STAM2: variants seen among roughly 807,000 people sequenced by gnomAD.
The protein encoded by STAM2 is signal transducing adapter molecule 2.
STAM2 carries 51 observed loss-of-function variants against 65.6 expected under a neutral mutation model. That is an observed-to-expected ratio of 0.78 (90% CI 0.62 to 0.98). STAM2 has a LOEUF of 0.98. STAM2 is among the 50% of genes least tolerant of loss of function. The probability of loss-of-function intolerance (pLI) is 0.00; values close to 1 mark genes in which losing one functional copy is unlikely to be tolerated. For missense variants in STAM2, 584 were observed against 617.8 expected, an observed-to-expected ratio of 0.95 and a Z score of 0.58; for synonymous variants, 198 against 208.4, an observed-to-expected ratio of 0.95 and a Z score of 0.43.
chr2:152,120,810 C>T lies in STAM2; in HGVS notation c.1350-8G>A, dbSNP rs746762082. 4.4e-6 allele frequency: 7 copies of T among 1,609,016 alleles called. No homozygotes were observed. Among genetic ancestry groups the T allele is most frequent in the Middle Eastern group, 1.7e-4 (1 of 6,056 alleles). ...ACAGTGTCTTGTCCAGTGCTACAAA[C>T]AAAATTTTAAAAAGAAAACCATATT... On this transcript the variant is annotated splice_polypyrimidine_tract_variant and splice_region_variant and intron_variant, in intron 13 of 13. Coordinates refer to ENST00000263904, the MANE Select transcript of STAM2 (RefSeq NM_005843.6).
At chr2:152,174,005 A>C (rs1250507447) in intron 1 of STAM2, among the ~76,000 whole-genome samples, 1 of 152,140 alleles carries the variant, frequency 6.6e-6, no homozygotes, top group Non-Finnish European at 1.5e-5. Context: ...TGTTTTTTTA[A>C]TCTCAACAGC....
At chr2:152,142,716 A>C (rs1306129866) in intron 7 of STAM2, among the ~76,000 whole-genome samples, 1 of 152,204 alleles carries the variant, frequency 6.6e-6, no homozygotes, top group Non-Finnish European at 1.5e-5. Context: ...GTTGAGAAAC[A>C]TCTGTATTTC....
chr2:152,121,979 TG>T (rs1438968813), intron 13 of STAM2, among the ~76,000 whole-genome samples: 2 of 149,250 alleles, frequency 1.3e-5, no homozygotes, highest in Non-Finnish European at 3.0e-5. Flanking sequence ...ACCCGGGAGG[TG>T]GGGCTTGCAG....
rs1452695675 is a variant in STAM2, at chr2:152,117,016, G to C, written c.*3558C>G. On this transcript the variant is annotated 3_prime_UTR_variant, in exon 14 of 14. Coordinates refer to ENST00000263904, the MANE Select transcript of STAM2 (RefSeq NM_005843.6). ...ACAGATAAGGGCGGGGGTGAGGGGT[G>C]GCTACTGTTAAGTCACATTGTGACA... 1.3e-5 allele frequency: 2 copies of C among 152,070 alleles called. No homozygotes were observed. Among genetic ancestry groups the C allele is most frequent in the Non-Finnish European group, 2.9e-5 (2 of 68,060 alleles). The allele number at this position is 152,070 out of a possible 1,614,324, so 9.4% of individuals were successfully genotyped here.
chr2:152,165,510 G>A lies in STAM2; in HGVS notation c.40+10093C>T, dbSNP rs568999195. ...GAATCAAAAGCAAACAGGCCAGGCA[G>A]ATGATTACATTACCTCTGCAGACTG... On this transcript the variant is annotated intron_variant, in intron 1 of 13. Coordinates refer to ENST00000263904, the MANE Select transcript of STAM2 (RefSeq NM_005843.6). Among the ~76,000 whole-genome samples the A allele has an allele frequency of 2.0e-5, 3 of 152,224 alleles. No homozygotes were observed. The South Asian group carries it at 6.2e-4, about 32-fold the overall frequency.
At chr2:152,145,512 A>G (rs1263912327) in intron 5 of STAM2, among the ~76,000 whole-genome samples, 2 of 152,274 alleles carry the variant, frequency 1.3e-5, no homozygotes, top group African/African-American at 4.8e-5. Flanking sequence ...AGAACTTGGC[A>G]TACAGAAAGT....
intron 1 of STAM2, among the ~76,000 whole-genome samples, chr2:152,161,621 A>G (rs1360460851): frequency 2.0e-5 from 3 of 152,106 alleles, no homozygotes; most frequent in African/African-American, 7.2e-5. Flanking sequence ...GACTGTAAAT[A>G]ATTCTACTCC....
rs754592603 is a variant in STAM2, at chr2:152,157,734, C to A, written c.41-7505G>T. 2.0e-5 allele frequency among the ~76,000 whole-genome samples: 3 copies of A among 152,246 alleles called. No homozygotes were observed. The South Asian group carries it at 6.2e-4, about 31-fold the overall frequency. ...GTCCAAACAAAGCAAGAGAACACTTCATGCATTTAGTTGAAAATCCAAAAA... is the reference window on the plus strand; with the variant it reads ...GTCCAAACAAAGCAAGAGAACACTTAATGCATTTAGTTGAAAATCCAAAAA... On this transcript the variant is annotated intron_variant, in intron 1 of 13. Coordinates refer to ENST00000263904, the MANE Select transcript of STAM2 (RefSeq NM_005843.6).
chr2:152,127,334 A>G (rs1435293547), intron 11 of STAM2, among the ~76,000 whole-genome samples: 1 of 152,156 alleles, frequency 6.6e-6, no homozygotes, highest in Non-Finnish European at 1.5e-5. Context: ...ACACCTCATA[A>G]AATGCAATCA....
Position 152,123,882 on chromosome 2 carries a change from T to G in STAM2, c.1233A>C (p.Gln411His). 6.2e-7 allele frequency: 1 copy of G among 1,614,130 alleles called. No homozygotes were observed. The highest frequency in any genetic ancestry group is 8.5e-7 in the Non-Finnish European group (1 of 1,179,982). ...GGCTATAGCTTTGGGCAACAGTTAC[T>G]TGGTGAATGCTCTGACCCATATAGT... ...GGNYMGQSIH[Q>H]VTVAQSYSLG... is the part of the protein sequence containing the mutation. Residue 411 changes from glutamine (Q) to histidine (H), a missense_variant, in exon 13 of 14, where the codon CAA becomes CAC. Physicochemically the swap from Gln to His is conservative, Grantham distance 24. Coordinates refer to ENST00000263904, the MANE Select transcript of STAM2 (RefSeq NM_005843.6).
intron 11 of STAM2, among the ~76,000 whole-genome samples, chr2:152,127,420 G>A (rs916458263): frequency 2.0e-5 from 3 of 151,854 alleles, no homozygotes; most frequent in Admixed American, 2.0e-4. Flanking sequence ...TTATTAAAAA[G>A]AAAATTCTCA....
rs1421329210 is a variant in STAM2 at position 152,140,872 on chromosome 2, C to T, written c.704+2955G>A. On this transcript the variant is annotated intron_variant, in intron 7 of 13. Transcript: ENST00000263904. ...GGAGTGGGCCAGGCACAGTGGCTCACGCCTGTAATCCCAGCACTGTGGGAG... is the reference window on the plus strand; with the variant it reads ...GGAGTGGGCCAGGCACAGTGGCTCATGCCTGTAATCCCAGCACTGTGGGAG... Among the ~76,000 whole-genome samples the T allele has an allele frequency of 3.9e-5, 6 of 152,062 alleles. No homozygotes were observed. The South Asian group carries it at 8.3e-4, about 21-fold the overall frequency.
rs41449048 is a variant in STAM2 at position 152,171,633 on chromosome 2, T to C, written c.40+3970A>G. Reference sequence around the variant, plus strand: ...CCAAGCTACTTCCTGGTCAACTTCTTCTAACACAGCAAAAGTCAGAAACAC... The same window carrying C: ...CCAAGCTACTTCCTGGTCAACTTCTCCTAACACAGCAAAAGTCAGAAACAC... On this transcript the variant is annotated intron_variant, in intron 1 of 13. Coordinates refer to ENST00000263904, the MANE Select transcript of STAM2 (RefSeq NM_005843.6). Among the ~76,000 whole-genome samples the C allele has an allele frequency of 8.3e-3, 1,261 of 152,348 alleles. 25 individuals carry two copies. Among genetic ancestry groups the C allele is most frequent in the African/African-American group, 0.029 (1,204 of 41,566 alleles).
chr2:152,147,055 G>T (rs184982948), intron 5 of STAM2, 107 bp downstream of exon 5: 21 of 1,072,018 alleles, frequency 2.0e-5, no homozygotes, highest in Non-Finnish European at 2.6e-5. Context: ...CATTTGGGAA[G>T]TAAAGGTGGA....
chr2:152,159,708 G>GCTCCCT (rs757802740), intron 1 of STAM2, among the ~76,000 whole-genome samples: 3 of 151,956 alleles, frequency 2.0e-5, no homozygotes, highest in Non-Finnish European at 4.4e-5. Flanking sequence ...GAACAGGATT[G>GCTCCCT]CTCCCTCTCC....
intron 1 of STAM2, among the ~76,000 whole-genome samples, chr2:152,174,376 G>A (rs1579342007): frequency 6.6e-6 from 1 of 152,114 alleles, no homozygotes; most frequent in African/African-American, 2.4e-5. Context: ...AGGAAACAGT[G>A]AGCCTTAAGA....
At chr2:152,143,443 AG>A (rs759696894) in intron 7 of STAM2, among the ~76,000 whole-genome samples, 1 of 152,238 alleles carries the variant, frequency 6.6e-6, no homozygotes. Flanking sequence ...GGAGGAGCCA[AG>A]TATAGCTTTT....
chr2:152,155,204 T>C (rs1689520163), intron 1 of STAM2, among the ~76,000 whole-genome samples: 1 of 152,224 alleles, frequency 6.6e-6, no homozygotes, highest in Non-Finnish European at 1.5e-5. Context: ...CCATAAATAT[T>C]TGTTTCATGA....
intron 13 of STAM2, 28 bp from the exon 14 acceptor site, chr2:152,120,830 C>A (rs1221549665): frequency 6.4e-7 from 1 of 1,558,898 alleles, no homozygotes; most frequent in Admixed American, 1.7e-5. Context: ...AAAAGAAAAC[C>A]ATATTTACTT....
Sources: allele counts gnomAD v4.1 joint callset (sites outside exome capture counted in the v4.1 genomes callset), GRCh38; gene constraint gnomAD v4.1.1; transcripts MANE v1.5; gene names NCBI Gene and HGNC (gene_info 2026-07-23, HGNC 2026-07-21).